CLVS1: variants seen among roughly 807,000 people sequenced by gnomAD.
The protein encoded by CLVS1 is clavesin-1.
CLVS1 carries 10 observed loss-of-function variants against 33.1 expected under a neutral mutation model. That is an observed-to-expected ratio of 0.30 (90% CI 0.19 to 0.51). The LOEUF (loss-of-function observed/expected upper bound fraction) is 0.51, where lower values mean the gene tolerates loss of function less well. Among genes scored for constraint, CLVS1 ranks in the 20% least tolerant of loss-of-function variants. CLVS1 has a pLI of 0.97. For missense variants in CLVS1, 343 were observed against 433.4 expected (o/e 0.79, Z 1.85); for synonymous variants, 163 against 166.1 (o/e 0.98, Z 0.14).
intron 2 of CLVS1, among the ~76,000 whole-genome samples, chr8:61,230,125 T>A (rs1028160715): frequency 6.6e-6 from 1 of 151,980 alleles, no homozygotes; most frequent in Admixed American, 6.6e-5. Context: ...GGAAGATAAG[T>A]GAGAGGGAGG....
At chr8:61,011,356 T>C in the CLVS1 span, among the ~76,000 whole-genome samples, 35 of 152,310 alleles carry the variant, frequency 2.3e-4, no homozygotes, top group African/African-American at 8.4e-4. Context: ...AGAAAACACG[T>C]TAAAAAATTT....
At chr8:61,321,900 T>G (rs558924336) in intron 2 of CLVS1, among the ~76,000 whole-genome samples, 10 of 152,280 alleles carry the variant, frequency 6.6e-5, no homozygotes, top group Non-Finnish European at 1.2e-4. Context: ...AAGTTAGCAT[T>G]GCAATCCCTC....
chr8:61,101,112 A>C (rs1457890484), intron 1 of CLVS1, among the ~76,000 whole-genome samples: 1 of 152,210 alleles, frequency 6.6e-6, no homozygotes, highest in East Asian at 1.9e-4. Flanking sequence ...GCTGGATCAT[A>C]TAGTAACATG....
intron 1 of CLVS1, among the ~76,000 whole-genome samples, chr8:61,094,153 G>A (rs1399624559): frequency 2.0e-5 from 3 of 152,166 alleles, no homozygotes; most frequent in African/African-American, 7.2e-5. Flanking sequence ...CCTGTGAATG[G>A]ACTCTCTTCT....
chr8:61,234,202 G>T (rs1808504582), intron 2 of CLVS1, among the ~76,000 whole-genome samples: 1 of 152,156 alleles, frequency 6.6e-6, no homozygotes, highest in African/African-American at 2.4e-5. Flanking sequence ...GCTGTGGCCA[G>T]GGGGTAGAGA....
chr8:61,484,923 C>T (rs1803816201), intron 5 of CLVS1, among the ~76,000 whole-genome samples: 1 of 152,146 alleles, frequency 6.6e-6, no homozygotes, highest in South Asian at 2.1e-4. Context: ...CCCTTCCTTA[C>T]ACCTTATACA....
chr8:61,423,195 C>T (rs191321604), intron 3 of CLVS1, among the ~76,000 whole-genome samples: 55 of 152,284 alleles, frequency 3.6e-4, no homozygotes, highest in Non-Finnish European at 6.0e-4. Context: ...AACCCCTGGG[C>T]TTTTTCCCAG....
At chr8:61,204,672 T>C (rs909023556) in intron 2 of CLVS1, among the ~76,000 whole-genome samples, 4 of 152,234 alleles carry the variant, frequency 2.6e-5, no homozygotes, top group African/African-American at 9.6e-5. Flanking sequence ...CAAATTGCTT[T>C]GTATAGCTAC....
At chr8:61,148,574 G>C (rs1317785497) in intron 2 of CLVS1, among the ~76,000 whole-genome samples, 1 of 152,186 alleles carries the variant, frequency 6.6e-6, no homozygotes, top group African/African-American at 2.4e-5. Flanking sequence ...TAATAATGGA[G>C]AGCTAACAAG....
At chr8:61,492,732 G>C (rs112923441) in intron 5 of CLVS1, among the ~76,000 whole-genome samples, 1 of 152,176 alleles carries the variant, frequency 6.6e-6, no homozygotes, top group African/African-American at 2.4e-5. Flanking sequence ...TCAGTAAATT[G>C]TGGAAAATTT....
chr8:61,472,856 G>T (rs1173904925), intron 5 of CLVS1, among the ~76,000 whole-genome samples: 1 of 152,018 alleles, frequency 6.6e-6, no homozygotes, highest in Non-Finnish European at 1.5e-5. Context: ...CCTTATTATT[G>T]TGCTGTGAGG....
intron 2 of CLVS1, among the ~76,000 whole-genome samples, chr8:61,192,590 G>A (rs1272080813): frequency 2.0e-5 from 3 of 152,118 alleles, no homozygotes; most frequent in East Asian, 1.9e-4. Flanking sequence ...GCAACCTACA[G>A]AATGGGAGAA....
At chr8:61,126,205 C>T (rs139301936) in intron 1 of CLVS1, among the ~76,000 whole-genome samples, 36 of 152,270 alleles carry the variant, frequency 2.4e-4, no homozygotes, top group Admixed American at 1.9e-3. Context: ...CACACACACA[C>T]TGTCTGACTC....
At chr8:61,120,848 G>C (rs1805845907) in intron 1 of CLVS1, among the ~76,000 whole-genome samples, 2 of 147,980 alleles carry the variant, frequency 1.4e-5, no homozygotes, top group Admixed American at 6.6e-5. Context: ...CCTGCCCCCA[G>C]AGGTGGAGCC....
intron 4 of CLVS1, among the ~76,000 whole-genome samples, chr8:61,454,768 A>T (rs1817086909): frequency 6.6e-6 from 1 of 152,240 alleles, no homozygotes; most frequent in Non-Finnish European, 1.5e-5. Flanking sequence ...ATATCAATTG[A>T]TAACACTTGG....
At chr8:61,005,830 G>T in the CLVS1 span, among the ~76,000 whole-genome samples, 1,303 of 152,286 alleles carry the variant, frequency 8.6e-3, 19 homozygotes, top group African/African-American at 0.029. Flanking sequence ...AGCCTCGACT[G>T]ATTGTTCCGG....
chr8:61,223,333 A>G (rs924346377), intron 2 of CLVS1, among the ~76,000 whole-genome samples: 1 of 151,910 alleles, frequency 6.6e-6, no homozygotes, highest in Non-Finnish European at 1.5e-5. Context: ...TCTTTTCTAC[A>G]TTTAGTGCTT....
At position 61,357,639 on chromosome 8, in the gene CLVS1, G is replaced by T. The variant is rs1812792472; in HGVS notation, c.456-18966G>T. ...TCATGCCTCAGCCTCCCAAGTAGCT[G>T]GGATTACAGGTGCCTGCCACCATGT... On this transcript the variant is annotated intron_variant, in intron 2 of 5. Coordinates refer to ENST00000325897, the MANE Select transcript of CLVS1 (RefSeq NM_173519.3). Among the ~76,000 whole-genome samples, 3 of 150,864 alleles carry T rather than the reference G, an allele frequency of 2.0e-5. No homozygotes were observed. The East Asian group carries it at 5.9e-4, about 29-fold the overall frequency.
intron 2 of CLVS1, among the ~76,000 whole-genome samples, chr8:61,194,096 A>G (rs1332824172): frequency 2.6e-5 from 4 of 152,092 alleles, no homozygotes; most frequent in African/African-American, 9.7e-5. Flanking sequence ...TGGGGAAGCA[A>G]TGTAATGAAA....
Sources: gnomAD v4.1 joint callset for allele counts (sites outside exome capture counted in the v4.1 genomes callset) on GRCh38, gnomAD v4.1.1 for gene constraint, MANE v1.5 for transcripts, NCBI Gene and HGNC (gene_info 2026-07-23, HGNC 2026-07-21) for gene names.